The following CLTC variants were observed in gnomAD, a reference collection of about 807,000 sequenced individuals.
CLTC encodes clathrin heavy chain, also known as clathrin heavy chain 1.
CLTC carries 16 observed loss-of-function variants against 195.8 expected under a neutral mutation model. The ratio of observed to expected loss-of-function variants is 0.08; its 90% CI spans 0.06 to 0.12. CLTC has a LOEUF of 0.12. Ranked by LOEUF, CLTC falls within the 10% of genes least tolerant of loss-of-function variation. The probability of loss-of-function intolerance (pLI) is 1.00; values close to 1 mark genes in which losing one functional copy is unlikely to be tolerated. For synonymous variants in CLTC, 667 were observed against 689.4 expected (o/e 0.97, Z 0.51); for missense variants, 796 against 2,027.0 (o/e 0.39, Z 11.66).
rs1373338870 is a variant in CLTC at position 59,694,658 on chromosome 17, C to G, written c.*806C>G. 4.4e-6 allele frequency: 1 copy of G among 225,790 alleles called. No homozygotes were observed. Among genetic ancestry groups the G allele is most frequent in the East Asian group, 6.4e-5 (1 of 15,506 alleles). 14.0% of individuals were successfully genotyped at this position (225,790 alleles called of 1,614,324 possible). On this transcript the variant is annotated 3_prime_UTR_variant, in exon 32 of 32. Transcript: ENST00000269122. The stretch of plus-strand genomic sequence containing the variant: ...TGTTGGATATTGTGGTGTTTTAGAT[C>G]ACTGAGTGTACAGAAGAGAGAAATT...
intron 14 of CLTC, among the ~76,000 whole-genome samples, chr17:59,673,063 T>C (rs1370004448): frequency 1.3e-5 from 2 of 151,174 alleles, no homozygotes; most frequent in Non-Finnish European, 2.9e-5. Context: ...ATAAAAGCAG[T>C]TGGCAATTTA....
At position 59,653,192 on chromosome 17, in the gene CLTC, T is replaced by TTTA. The variant is rs1215484754; in HGVS notation, c.795+1878_795+1879insATT. On this transcript the variant is annotated intron_variant, in intron 5 of 31. Transcript: ENST00000269122. The stretch of plus-strand genomic sequence containing the variant: ...ATTTGTTTATTTATTTATTTATTTA[T>TTTA]TTTATTTATTTTTTTTTTTGAGACA... Among the ~76,000 whole-genome samples the TTTA allele has an allele frequency of 5.8e-4, 81 of 139,724 alleles. 1 individual carries two copies. The highest frequency in any genetic ancestry group is 1.8e-3 in the Admixed American group (26 of 14,418). The allele number at this position is 139,724 out of a possible 152,430, so 91.7% of individuals were successfully genotyped here.
intron 31 of CLTC, 31 bp from the exon 32 acceptor site, chr17:59,693,697 C>G: frequency 6.2e-7 from 1 of 1,600,032 alleles, no homozygotes; most frequent in African/African-American, 1.3e-5. Flanking sequence ...TGCCCCTGCC[C>G]CCTGCTCCTT....
Position 59,630,118 on chromosome 17 carries a change from A to C in CLTC, c.42+9945A>C, listed in dbSNP as rs529903535. 3.3e-5 allele frequency among the ~76,000 whole-genome samples: 5 copies of C among 151,524 alleles called. No individual in the cohort carries two copies. In the East Asian group the frequency reaches 9.8e-4, roughly 30 times the overall value. ...CAGGCTCCAGCCATCCTCTCACCTC[A>C]GCCTCCCAAGTAGCTAGGACTACAG... On this transcript the variant is annotated intron_variant, in intron 1 of 31. Coordinates refer to ENST00000269122, the MANE Select transcript of CLTC (RefSeq NM_004859.4).
chr17:59,691,725 C>G (rs2033306251), intron 31 of CLTC, among the ~76,000 whole-genome samples: 1 of 150,310 alleles, frequency 6.7e-6, no homozygotes, highest in African/African-American at 2.4e-5. Flanking sequence ...ATGGTTTTGT[C>G]TCCTTTTTAC....
At chr17:59,659,693 C>A (rs2032564511) in intron 6 of CLTC, among the ~76,000 whole-genome samples, 2 of 151,934 alleles carry the variant, frequency 1.3e-5, no homozygotes, top group African/African-American at 4.8e-5. Context: ...CATGATCCAC[C>A]TGCCTTGGCC....
chr17:59,630,058 T>C (rs957507475), intron 1 of CLTC, among the ~76,000 whole-genome samples: 1 of 152,124 alleles, frequency 6.6e-6, no homozygotes, highest in African/African-American at 2.4e-5. Flanking sequence ...TGGAGTACAG[T>C]GGCGAGATCA....
intron 1 of CLTC, among the ~76,000 whole-genome samples, chr17:59,622,119 T>C (rs1434205671): frequency 6.6e-6 from 1 of 152,230 alleles, no homozygotes; most frequent in East Asian, 1.9e-4. Flanking sequence ...CATGTCTGTT[T>C]TGTAACTGGA....
intron 8 of CLTC, among the ~76,000 whole-genome samples, chr17:59,663,315 A>G (rs949855694): frequency 6.6e-6 from 1 of 152,176 alleles, no homozygotes; most frequent in Non-Finnish European, 1.5e-5. Flanking sequence ...TTCCTGCCCT[A>G]TAAGCTTAAA....
intron 5 of CLTC, among the ~76,000 whole-genome samples, chr17:59,653,634 C>T (rs2032387242): frequency 6.6e-6 from 1 of 151,968 alleles, no homozygotes; most frequent in Non-Finnish European, 1.5e-5. Context: ...TCACTGCAGC[C>T]TTGGAACTCC....
Position 59,664,899 on chromosome 17 carries a change from A to G in CLTC, c.1634A>G (p.Asp545Gly). 6.2e-7 allele frequency: 1 copy of G among 1,614,084 alleles called. No individual in the cohort carries two copies. Among genetic ancestry groups the G allele is most frequent in the Non-Finnish European group, 8.5e-7 (1 of 1,179,962 alleles). Reference sequence around the variant, plus strand: ...GTTCAAGATGAAGAGCCTCTTGCTGACATCACACAGGTAATGTGATTAAAA... The same window carrying G: ...GTTCAAGATGAAGAGCCTCTTGCTGGCATCACACAGGTAATGTGATTAAAA... ...MLVQDEEPLA[D>G]ITQIVDVFME... is the part of the protein sequence containing the mutation. Residue 545 changes from aspartate to glycine, a missense_variant, in exon 10 of 32, where the codon GAC becomes GGC. Around this residue, in one of 9 missense-constraint regions of CLTC, gnomAD observed 293 missense variants for 795.6 expected, o/e 0.37. Coordinates refer to ENST00000269122, the MANE Select transcript of CLTC (RefSeq NM_004859.4).
intron 1 of CLTC, among the ~76,000 whole-genome samples, chr17:59,625,101 T>A (rs189966134): frequency 9.2e-5 from 14 of 152,058 alleles, no homozygotes; most frequent in Admixed American, 9.2e-4. Flanking sequence ...CTAAATCTAG[T>A]GTGTGTGGTT....
intron 14 of CLTC, among the ~76,000 whole-genome samples, chr17:59,669,205 T>A (rs1351273881): frequency 1.3e-5 from 2 of 152,182 alleles, no homozygotes; most frequent in Non-Finnish European, 2.9e-5. Context: ...TATTTTAATT[T>A]TGGATGGAAA....
intron 8 of CLTC, among the ~76,000 whole-genome samples, chr17:59,662,258 C>T (rs1014382890): frequency 6.6e-6 from 1 of 152,114 alleles, no homozygotes; most frequent in African/African-American, 2.4e-5. Flanking sequence ...TGAACCTTTT[C>T]TAAATGTTAA....
chr17:59,651,360 TAAAAG>T (rs1486435573), intron 5 of CLTC, 44 bp downstream of exon 5: 6 of 1,253,342 alleles, frequency 4.8e-6, no homozygotes, highest in East Asian at 4.6e-5. Context: ...TCTCTCCTCT[TAAAAG>T]AAATTAACCC....
Position 59,666,412 on chromosome 17 carries a change from A to C in CLTC, c.1783-68A>C. Reference sequence around the variant, plus strand: ...AGTTCACTATTAAACCTTAATCTGTAATACGGATATTGAATTACTCATGTA... The same window carrying C: ...AGTTCACTATTAAACCTTAATCTGTCATACGGATATTGAATTACTCATGTA... On this transcript the variant is annotated intron_variant, in intron 11 of 31. Coordinates refer to ENST00000269122, the MANE Select transcript of CLTC (RefSeq NM_004859.4). The surrounding 1 kb of genome is among the most constrained non-coding windows in gnomAD (Gnocchi z 4.9). 1.3e-6 allele frequency: 2 copies of C among 1,558,694 alleles called. No homozygotes were observed. The highest frequency in any genetic ancestry group is 1.7e-6 in the Non-Finnish European group (2 of 1,143,542).
intron 14 of CLTC, 43 bp from the exon 15 acceptor site, chr17:59,673,604 A>G: frequency 6.6e-7 from 1 of 1,510,820 alleles, no homozygotes; most frequent in Non-Finnish European, 9.2e-7. Context: ...TTGATACCTC[A>G]TAGAAGAAAT....
At chr17:59,659,510 G>A (rs1275317583) in intron 6 of CLTC, among the ~76,000 whole-genome samples, 22 of 147,916 alleles carry the variant, frequency 1.5e-4, no homozygotes, top group Admixed American at 5.4e-4. Flanking sequence ...GAGTGCAGTC[G>A]TGCCATCTTG....
Position 59,651,292 on chromosome 17 carries a change from A to G in CLTC, c.771A>G (p.Gln257=). ...AVDVFFPPEA[Q]NDFPVAMQIS... The stretch of plus-strand genomic sequence containing the variant: ...ATGTCTTCTTTCCTCCAGAAGCACA[A>G]AATGATTTTCCTGTTGCAATGCAGG... Residue 257 remains glutamine, a synonymous_variant, in exon 5 of 32, where the codon CAA becomes CAG. Transcript: ENST00000269122. 2 of 1,613,764 alleles carry G rather than the reference A, an allele frequency of 1.2e-6. No homozygotes were observed. The highest frequency in any genetic ancestry group is 1.1e-5 in the South Asian group (1 of 91,034).
Sources: gnomAD v4.1 joint callset for allele counts (sites outside exome capture counted in the v4.1 genomes callset) on GRCh38, gnomAD v4.1.1 for gene constraint, gnomAD v4.1.1 regional missense constraint, Gnocchi (gnomAD v3.1) non-coding constraint, MANE v1.5 for transcripts, NCBI Gene and HGNC (gene_info 2026-07-23, HGNC 2026-07-21) for gene names.